The following TCF4 variants were observed in gnomAD, a reference collection of about 807,000 sequenced individuals.
TCF4 encodes the protein SL3-3 enhancer factor 2.
A neutral mutation model predicts 82.1 loss-of-function variants in TCF4; 3 were observed. The ratio of observed to expected loss-of-function variants is 0.04; its 90% confidence interval spans 0.02 to 0.09. The LOEUF (loss-of-function observed/expected upper bound fraction) is 0.09. TCF4 is among the 10% of genes least tolerant of loss of function. TCF4 has a pLI of 1.00. For missense variants in TCF4, 518 were observed against 852.7 expected (o/e 0.61, Z 4.89); for synonymous variants, 276 against 309.6 (o/e 0.89, Z 1.14).
At chr18:55,396,086 G>GGGGGTTT (rs1569352934) in intron 6 of TCF4, among the ~76,000 whole-genome samples, 2 of 152,110 alleles carry the variant, frequency 1.3e-5, no homozygotes, top group Non-Finnish European at 2.9e-5. Context: ...CCCCCAGTGG[G>GGGGGTTT]CCTGGAATCG....
At chr18:55,228,809 T>G in intron 18 of TCF4, 38 bp downstream of exon 18, 1 of 1,610,014 alleles carries the variant, frequency 6.2e-7, no homozygotes, top group Non-Finnish European at 8.5e-7. Context: ...TGCCACAAGC[T>G]CCTCACGAGC....
intron 6 of TCF4, among the ~76,000 whole-genome samples, chr18:55,389,265 T>G (rs2092873922): frequency 6.6e-6 from 1 of 152,226 alleles, no homozygotes; most frequent in South Asian, 2.1e-4. Context: ...GTTCATTCAT[T>G]CATTCACTCA....
Position 55,391,708 on chromosome 18 carries a change from G to A in TCF4, c.369+11746C>T, listed in dbSNP as rs1341364217. Among the ~76,000 whole-genome samples the A allele has an allele frequency of 5.3e-5, 8 of 151,716 alleles. No individual in the cohort carries two copies. The South Asian group carries it at 6.3e-4, about 12-fold the overall frequency. ...AGCACTTTGGGAGGCCGAGGTGGGC[G>A]GATCACTTGAGGTCAGGAGTTTGAG... On this transcript the variant is annotated intron_variant, in intron 6 of 19. Coordinates refer to ENST00000354452, the MANE Select transcript of TCF4 (RefSeq NM_001083962.2).
intron 2 of TCF4, among the ~76,000 whole-genome samples, chr18:55,600,148 A>G (rs953318913): frequency 6.6e-6 from 1 of 152,164 alleles, no homozygotes; most frequent in Non-Finnish European, 1.5e-5. Context: ...TTTGGTTACT[A>G]TGAGTAGAGC....
At chr18:55,445,767 T>A (rs1030226407) in intron 5 of TCF4, among the ~76,000 whole-genome samples, 2 of 152,222 alleles carry the variant, frequency 1.3e-5, no homozygotes, top group Non-Finnish European at 2.9e-5. Flanking sequence ...CTCCCAAGGC[T>A]CTGCTCAAGC....
intron 15 of TCF4, among the ~76,000 whole-genome samples, chr18:55,252,675 A>G (rs4800988): frequency 1.3e-5 from 2 of 152,136 alleles, no homozygotes; most frequent in African/African-American, 4.8e-5. Context: ...TGGAAAAAAT[A>G]GTCTCTGAAG....
intron 3 of TCF4, among the ~76,000 whole-genome samples, chr18:55,565,382 A>C (rs548479728): frequency 3.9e-5 from 6 of 152,284 alleles, no homozygotes; most frequent in Non-Finnish European, 5.9e-5. Flanking sequence ...ATAAAACAAA[A>C]CTTGAGTTTT....
At chr18:55,233,637 G>A (rs2048495946) in intron 16 of TCF4, among the ~76,000 whole-genome samples, 1 of 152,082 alleles carries the variant, frequency 6.6e-6, no homozygotes, top group Admixed American at 6.5e-5. Context: ...CTAATGTGGT[G>A]AAACCCTGTC....
intron 5 of TCF4, among the ~76,000 whole-genome samples, chr18:55,459,675 T>C (rs577186450): frequency 6.6e-6 from 1 of 152,310 alleles, no homozygotes; most frequent in African/African-American, 2.4e-5. Flanking sequence ...AGTTGATAAA[T>C]ATATCTGGTC....
chr18:55,622,340 C>G (rs541613689), intron 2 of TCF4, among the ~76,000 whole-genome samples: 1 of 151,142 alleles, frequency 6.6e-6, no homozygotes, highest in African/African-American at 2.4e-5. Context: ...AACCCCGTCT[C>G]TACTAAAATA....
intron 8 of TCF4, among the ~76,000 whole-genome samples, chr18:55,335,846 T>A (rs2078518769): frequency 6.6e-6 from 1 of 152,140 alleles, no homozygotes; most frequent in Non-Finnish European, 1.5e-5. Context: ...ACATATTTTT[T>A]GTTGTGTACT....
Position 55,245,634 on chromosome 18 carries a change from G to A in TCF4, c.1350+8863C>T, listed in dbSNP as rs140706943. On this transcript the variant is annotated intron_variant, in intron 15 of 19. Transcript: ENST00000354452. Reference sequence around the variant, plus strand: ...TTTTCTTACTTCCATTTAGGTGCATGAGCCTTTATTTTCTGTTTTTGGTTT... The same window carrying A: ...TTTTCTTACTTCCATTTAGGTGCATAAGCCTTTATTTTCTGTTTTTGGTTT... Among the ~76,000 whole-genome samples, 360 of 152,282 alleles carry A rather than the reference G, an allele frequency of 2.4e-3. 2 individuals carry two copies. The highest frequency in any genetic ancestry group is 8.3e-3 in the African/African-American group (344 of 41,554).
intron 15 of TCF4, among the ~76,000 whole-genome samples, chr18:55,249,712 C>A (rs1054654243): frequency 1.3e-5 from 2 of 152,080 alleles, no homozygotes; most frequent in East Asian, 3.9e-4. Flanking sequence ...AGACTTTAAA[C>A]AAGAAGGATC....
At position 55,588,094 on chromosome 18, in the gene TCF4, G is replaced by C. The variant is rs1048318120; in HGVS notation, c.-77C>G. On this transcript the variant is annotated 5_prime_UTR_variant, in exon 1 of 20. Transcript: ENST00000354452. Reference sequence around the variant, plus strand: ...CCGCCGGCGCCGAGGCGGCGTTCATGTCTAACCGCCGCCGCCACCGCCGCC... The same window carrying C: ...CCGCCGGCGCCGAGGCGGCGTTCATCTCTAACCGCCGCCGCCACCGCCGCC... 4.9e-6 allele frequency: 5 copies of C among 1,017,372 alleles called. No homozygotes were observed. Among genetic ancestry groups the C allele is most frequent in the Non-Finnish European group, 2.3e-6 (2 of 855,618 alleles). 63.0% of individuals were successfully genotyped at this position (1,017,372 alleles called of 1,614,324 possible).
At chr18:55,512,727 G>A (rs2096840610) in intron 3 of TCF4, among the ~76,000 whole-genome samples, 1 of 152,000 alleles carries the variant, frequency 6.6e-6, no homozygotes, top group Non-Finnish European at 1.5e-5. Context: ...CTGTATGATG[G>A]TGACACAGAA....
At position 55,302,313 on chromosome 18, in the gene TCF4, A is replaced by G. The variant is rs1056162547; in HGVS notation, c.550-22657T>C. 4 of 1,093,354 alleles carry G rather than the reference A, an allele frequency of 3.7e-6. No individual in the cohort carries two copies. In the East Asian group the frequency reaches 1.0e-4, roughly 28 times the overall value. The allele number at this position is 1,093,354 out of a possible 1,614,324, so 67.7% of individuals were successfully genotyped here. A position where few individuals can be genotyped will look rare whatever the true frequency, so the allele number is the denominator to read the frequency against. On this transcript the variant is annotated intron_variant, in intron 8 of 19. Coordinates refer to ENST00000354452, the MANE Select transcript of TCF4 (RefSeq NM_001083962.2). ...TGCCAGGGAAGACAGAAGTAGTGCA[A>G]AGCAAATGGGTAACATACAAGTCAA...
chr18:55,468,347 A>G (rs533777642), intron 3 of TCF4, among the ~76,000 whole-genome samples: 6 of 152,224 alleles, frequency 3.9e-5, no homozygotes, highest in Non-Finnish European at 8.8e-5. Context: ...AAGATTGACA[A>G]TAACCATCAG....
chr18:55,597,391 T>A (rs2097692113), intron 2 of TCF4, among the ~76,000 whole-genome samples: 1 of 151,880 alleles, frequency 6.6e-6, no homozygotes, highest in African/African-American at 2.4e-5. Context: ...GCTTTCCCCC[T>A]TCCCTCTCCC....
At chr18:55,277,740 A>G (rs557055844) in intron 9 of TCF4, among the ~76,000 whole-genome samples, 1 of 152,158 alleles carries the variant, frequency 6.6e-6, no homozygotes, top group Non-Finnish European at 1.5e-5. Flanking sequence ...GCACCCTTCC[A>G]GAAAGCCACT....
Sources: gnomAD v4.1 joint callset for allele counts (sites outside exome capture counted in the v4.1 genomes callset) on GRCh38, gnomAD v4.1.1 for gene constraint, MANE v1.5 for transcripts, NCBI Gene and HGNC (gene_info 2026-07-23, HGNC 2026-07-21) for gene names.